The following RABGEF1 variants were observed in gnomAD, a reference collection of about 807,000 sequenced individuals.
The protein encoded by RABGEF1 is rab5 GDP/GTP exchange factor.
Under a neutral mutation model 57.3 loss-of-function variants are expected in RABGEF1, and 26 were observed. The ratio of observed to expected loss-of-function variants is 0.45; its 90% CI spans 0.33 to 0.63. The LOEUF is 0.63. Ranked by LOEUF, RABGEF1 falls within the 20% of genes least tolerant of loss-of-function variation. RABGEF1 has a pLI of 0.02. For synonymous variants in RABGEF1, 185 were observed against 210.7 expected, an observed-to-expected ratio of 0.88 and a Z score of 1.06; for missense variants, 464 against 607.6, an observed-to-expected ratio of 0.76 and a Z score of 2.48.
intron 1 of RABGEF1, among the ~76,000 whole-genome samples, chr7:66,695,804 A>G (rs543319630): frequency 1.6e-3 from 240 of 152,120 alleles, no homozygotes; most frequent in African/African-American, 5.5e-3. Flanking sequence ...TGTCTTTACT[A>G]AAAATACAAA....
At chr7:66,741,696 T>G (rs927056852) in intron 1 of RABGEF1, among the ~76,000 whole-genome samples, 2 of 152,166 alleles carry the variant, frequency 1.3e-5, no homozygotes, top group African/African-American at 4.8e-5. Context: ...ACTGCTTTGT[T>G]TTTATTTATT....
At chr7:66,657,926 A>G in the RABGEF1 span, among the ~76,000 whole-genome samples, 15 of 152,320 alleles carry the variant, frequency 9.8e-5, no homozygotes, top group African/African-American at 3.4e-4. Context: ...ACCCCAACCT[A>G]GCAGAATACC....
chr7:66,760,336 A>G (rs1325121117), intron 1 of RABGEF1, among the ~76,000 whole-genome samples: 1 of 152,122 alleles, frequency 6.6e-6, no homozygotes, highest in Non-Finnish European at 1.5e-5. Flanking sequence ...TCTTGTGTTA[A>G]TAGTTTGTTC....
Position 66,753,701 on chromosome 7 carries a change from G to GTTTTTTTTTTTTTTT in RABGEF1, c.-18+12918_-18+12932dup, listed in dbSNP as rs1224800315. Among the ~76,000 whole-genome samples the GTTTTTTTTTTTTTTT allele has an allele frequency of 1.7e-4, 13 of 78,772 alleles. 1 individual carries two copies. Among genetic ancestry groups the GTTTTTTTTTTTTTTT allele is most frequent in the Admixed American group, 5.8e-4 (3 of 5,176 alleles). 51.7% of individuals were successfully genotyped at this position (78,772 alleles called of 152,430 possible). On this transcript the variant is annotated intron_variant, in intron 1 of 8. Coordinates refer to ENST00000284957, the MANE Select transcript of RABGEF1 (RefSeq NM_014504.3). ...ATCTGAAAATGTCTATTTTGCCATC[G>GTTTTTTTTTTTTTTT]TTTTTTTTTTTTTTTTTTTTTTTGA...
chr7:66,729,318 C>T (rs1357333395), intron 2 of RABGEF1, among the ~76,000 whole-genome samples: 1 of 30,156 alleles, frequency 3.3e-5, no homozygotes, highest in East Asian at 8.4e-4. Flanking sequence ...TTCTTCGTTC[C>T]TCATCTCCAT....
chr7:66,788,069 G>C (rs1811636805), intron 4 of RABGEF1, among the ~76,000 whole-genome samples: 1 of 152,112 alleles, frequency 6.6e-6, no homozygotes, highest in Non-Finnish European at 1.5e-5. Context: ...TGAAAGTGTA[G>C]CTTGTCCTGC....
At chr7:66,791,454 TA>T (rs1812638785) in intron 4 of RABGEF1, among the ~76,000 whole-genome samples, 3 of 152,156 alleles carry the variant, frequency 2.0e-5, no homozygotes, top group Admixed American at 2.0e-4. Context: ...TCTTTTCCTT[TA>T]AAAAATTATT....
At chr7:66,713,370 G>T (rs1291941522) in intron 2 of RABGEF1, among the ~76,000 whole-genome samples, 1 of 151,438 alleles carries the variant, frequency 6.6e-6, no homozygotes, top group Non-Finnish European at 1.5e-5. Context: ...CCTCGTGATC[G>T]GCCCGCCTTG....
intron 1 of RABGEF1, among the ~76,000 whole-genome samples, chr7:66,705,030 T>G (rs567789250): frequency 5.3e-5 from 8 of 152,254 alleles, no homozygotes; most frequent in African/African-American, 1.9e-4. Flanking sequence ...CCTAAGTATT[T>G]CATTTTTGGG....
the RABGEF1 span, among the ~76,000 whole-genome samples, chr7:66,662,810 T>C: frequency 5.3e-5 from 8 of 150,872 alleles, no homozygotes; most frequent in Non-Finnish European, 1.0e-4. Flanking sequence ...TGTATGTGTG[T>C]AGGTGTGCGT....
At chr7:66,678,757 G>C (rs1447782276), upstream of RABGEF1, among the ~76,000 whole-genome samples, 1 of 152,000 alleles carries the variant, frequency 6.6e-6, no homozygotes. Context: ...TCCTCCCACA[G>C]GGAAACTCAG....
chr7:66,689,830 A>G (rs1791253016), intron 1 of RABGEF1, among the ~76,000 whole-genome samples: 1 of 152,072 alleles, frequency 6.6e-6, no homozygotes, highest in Non-Finnish European at 1.5e-5. Flanking sequence ...AATAGGGGTA[A>G]ACCTATAACT....
At chr7:66,746,535 C>T (rs1452740158) in intron 1 of RABGEF1, among the ~76,000 whole-genome samples, 19 of 151,708 alleles carry the variant, frequency 1.3e-4, no homozygotes, top group African/African-American at 3.6e-4. Context: ...GTGATCCACC[C>T]GCCTCGGCCT....
chr7:66,767,445 C>T (rs190951466), intron 1 of RABGEF1, among the ~76,000 whole-genome samples: 15 of 152,308 alleles, frequency 9.8e-5, no homozygotes, highest in Admixed American at 7.2e-4. Context: ...AAAAAACTTT[C>T]TCGTGCTAAT....
intron 1 of RABGEF1, among the ~76,000 whole-genome samples, chr7:66,766,275 C>T (rs1805674797): frequency 6.7e-6 from 1 of 149,720 alleles, no homozygotes; most frequent in African/African-American, 2.5e-5. Context: ...CGCCACTGCA[C>T]TCTAGCCTGA....
chr7:66,684,355 A>G (rs1485713749), intron 1 of RABGEF1, among the ~76,000 whole-genome samples: 1 of 152,148 alleles, frequency 6.6e-6, no homozygotes, highest in African/African-American at 2.4e-5. Flanking sequence ...GAGGCAGGAG[A>G]ATTACTTGAA....
At chr7:66,752,045 A>T (rs966752177) in intron 1 of RABGEF1, among the ~76,000 whole-genome samples, 2 of 152,146 alleles carry the variant, frequency 1.3e-5, no homozygotes, top group Non-Finnish European at 2.9e-5. Flanking sequence ...AACCAAAAAA[A>T]ACCCGCAAAA....
intron 7 of RABGEF1, among the ~76,000 whole-genome samples, chr7:66,799,912 A>G (rs991206385): frequency 2.6e-5 from 4 of 152,208 alleles, no homozygotes; most frequent in African/African-American, 9.6e-5. Context: ...CAGGAAATAA[A>G]TGAAGTTCCC....
the RABGEF1 span, among the ~76,000 whole-genome samples, chr7:66,658,976 C>CAGGA: frequency 6.6e-6 from 1 of 152,038 alleles, no homozygotes; most frequent in South Asian, 2.1e-4. Flanking sequence ...ACCTCATGAT[C>CAGGA]CGCCTGCCTT....
Sources: allele counts gnomAD v4.1 joint callset (sites outside exome capture counted in the v4.1 genomes callset), GRCh38; gene constraint gnomAD v4.1.1; transcripts MANE v1.5; gene names NCBI Gene and HGNC (gene_info 2026-07-23, HGNC 2026-07-21).